Variants in DBX1 observed in about 807,000 individuals in gnomAD.
The protein encoded by DBX1 is developing brain homeobox 1, also known as homeobox protein DBX1.
Under a neutral mutation model 20.8 loss-of-function variants are expected in DBX1, and 10 were observed. The observed-to-expected ratio is 0.48, with a 90% CI of 0.30 to 0.82. The LOEUF (loss-of-function observed/expected upper bound fraction) is 0.82, where lower values mean the gene tolerates loss of function less well. Ranked by LOEUF, DBX1 falls within the 40% of genes least tolerant of loss-of-function variation. The pLI, the probability that DBX1 is intolerant of heterozygous loss-of-function variation, is 0.07. For missense variants in DBX1, 505 were observed against 468.8 expected (o/e 1.08, Z -0.71); for synonymous variants, 241 against 213.9 (o/e 1.13, Z -1.11).
chr11:20,156,706 G>A lies in DBX1; in HGVS notation c.673-133C>T, dbSNP rs1565142350. The A allele has an allele frequency of 7.4e-7, 1 of 1,351,046 alleles. No individual in the cohort carries two copies. The highest frequency in any genetic ancestry group is 1.7e-5 in the Admixed American group (1 of 59,606). 83.7% of individuals were successfully genotyped at this position (1,351,046 alleles called of 1,614,324 possible). A position where few individuals can be genotyped will look rare whatever the true frequency, so the allele number is the denominator to read the frequency against. On this transcript the variant is annotated intron_variant, in intron 3 of 3. Transcript: ENST00000524983. The surrounding 1 kb of genome is among the most constrained non-coding windows in gnomAD (Gnocchi z 4.8). Reference sequence around the variant, plus strand: ...GGGCTGTGTCCTCTCCCCACCCCCAGAAATGAGTTCCGGTGGATTCCCGCA... The same window carrying A: ...GGGCTGTGTCCTCTCCCCACCCCCAAAAATGAGTTCCGGTGGATTCCCGCA...
rs750873262 is a variant in DBX1, at chr11:20,157,233, G to A, written c.476C>T (p.Ser159Phe). ...GGTCCCGGGGATGGGCACCACGCTG[G>A]AGGAAGCTGCAGGGTGGGGGGAGGT... ...FIRSSYFPASSSVVPIPGTFS... is the reference protein window; with the variant it reads ...FIRSSYFPASFSVVPIPGTFS... The change falls in exon 3 of 4, where the codon TCC (serine) becomes TTC (phenylalanine). Residue 159 changes from serine to phenylalanine, a missense_variant. Physicochemically the swap from Ser to Phe is radical, Grantham distance 155 (BLOSUM62 -2). Transcript: ENST00000524983. 3 of 1,568,458 alleles carry A rather than the reference G, an allele frequency of 1.9e-6. No individual in the cohort carries two copies. Among genetic ancestry groups the A allele is most frequent in the African/African-American group, 2.7e-5 (2 of 74,080 alleles).
In DBX1 at chr11:20,160,008, G is replaced by C; in HGVS notation, c.317C>G (p.Thr106Arg). ...GGCGTTCACTCCAAACTTCAGAAAC[G>C]TCGTCTCGCTGGCAGGGGAGAAGGC... ...PTAFSPASET[T>R]FLKFGVNAIL... Residue 106 changes from threonine to arginine, a missense_variant, in exon 1 of 4, where the codon ACG becomes AGG. Thr to Arg is a moderately conservative substitution (Grantham distance 71). Coordinates refer to ENST00000524983, the MANE Select transcript of DBX1 (RefSeq NM_001029865.4). 3 of 1,613,022 alleles carry C rather than the reference G, an allele frequency of 1.9e-6. No individual in the cohort carries two copies. Among genetic ancestry groups the C allele is most frequent in the Non-Finnish European group, 2.5e-6 (3 of 1,179,634 alleles).
At chr11:20,158,354 T>A (rs557999765) in intron 2 of DBX1, among the ~76,000 whole-genome samples, 165 of 152,222 alleles carry the variant, frequency 1.1e-3, no homozygotes, top group African/African-American at 3.8e-3. Context: ...CCGCAGGCCA[T>A]ACCCAGTTTT....
chr11:20,160,400 C>T lies in DBX1; in HGVS notation c.-76G>A, dbSNP rs552953049. The T allele has an allele frequency of 7.0e-7, 1 of 1,436,492 alleles. No homozygotes were observed. Among genetic ancestry groups the T allele is most frequent in the Non-Finnish European group, 9.1e-7 (1 of 1,097,078 alleles). The allele number at this position is 1,436,492 out of a possible 1,614,324, so 89.0% of individuals were successfully genotyped here. ...ACGCCTCGCTTCCCGCCCCTCCCGC[C>T]CCCACAGTGTCCTCTCTCTTGGGCT... On this transcript the variant is annotated 5_prime_UTR_variant, in exon 1 of 4. Coordinates refer to ENST00000524983, the MANE Select transcript of DBX1 (RefSeq NM_001029865.4).
Position 20,157,181 on chromosome 11 carries a change from C to T in DBX1, c.528G>A (p.Gly176=). The change falls in exon 3 of 4, where the codon GGG becomes GGA. Residue 176 remains glycine, a synonymous_variant. Transcript: ENST00000524983. Reference sequence around the variant, plus strand: ...GACGCAGCATGCCCCGCCGAGGCTTCCCGCGCGCGGCCAGCGGCCAGGAGA... The same window carrying T: ...GACGCAGCATGCCCCGCCGAGGCTTTCCGCGCGCGGCCAGCGGCCAGGAGA... ...GTFSWPLAAR[G]KPRRGMLRRA... The T allele has an allele frequency of 1.9e-6, 3 of 1,605,876 alleles. No homozygotes were observed. The highest frequency in any genetic ancestry group is 2.5e-6 in the Non-Finnish European group (3 of 1,176,982).
chr11:20,156,335 C>A lies in DBX1; in HGVS notation c.911G>T (p.Arg304Leu). Residue 304 changes from arginine to leucine, a missense_variant, in exon 4 of 4, where the codon CGG (arginine) becomes CTG (leucine). Arg to Leu is a moderately radical substitution (Grantham distance 102, BLOSUM62 -2). Transcript: ENST00000524983. The surrounding 1 kb of genome is among the most constrained non-coding windows in gnomAD (Gnocchi z 4.8). ...CGAGGGGGGCAGCGGCCCTGGCAGCCGCGGGTCCCGCAGGTGCTGGGGGTC... is the reference window on the plus strand; with the variant it reads ...CGAGGGGGGCAGCGGCCCTGGCAGCAGCGGGTCCCGCAGGTGCTGGGGGTC... ...SSDPQHLRDP[R>L]LPGPLPPSPA... The A allele has an allele frequency of 1.3e-6, 2 of 1,585,138 alleles. No individual in the cohort carries two copies. Among genetic ancestry groups the A allele is most frequent in the South Asian group, 2.3e-5 (2 of 86,446 alleles).
chr11:20,156,992 T>TGAAGGGC lies in DBX1; in HGVS notation c.672+38_672+44dup, dbSNP rs779657952. 2 of 1,369,464 alleles carry TGAAGGGC rather than the reference T, an allele frequency of 1.5e-6. No individual in the cohort carries two copies. Among genetic ancestry groups the TGAAGGGC allele is most frequent in the South Asian group, 2.4e-5 (2 of 81,818 alleles). The allele number at this position is 1,369,464 out of a possible 1,614,324, so 84.8% of individuals were successfully genotyped here. ...AATTGACGGGTGCGCCGGGGAGGGG[T>TGAAGGGC]GAAGGGCGGGGGCGGGGGGGGTGCT... is the stretch of plus-strand genomic sequence containing the variant. On this transcript the variant is annotated intron_variant, in intron 3 of 3. Coordinates refer to ENST00000524983, the MANE Select transcript of DBX1 (RefSeq NM_001029865.4). This position sits in a 1 kb window ranked among gnomAD's most constrained non-coding sequence, Gnocchi z 4.8.
At position 20,156,401 on chromosome 11, in the gene DBX1, G is replaced by A. The variant is rs754466975; in HGVS notation, c.845C>T (p.Pro282Leu). Residue 282 changes from proline to leucine, a missense_variant, in exon 4 of 4, where the codon CCG (proline) becomes CTG (leucine). Coordinates refer to ENST00000524983, the MANE Select transcript of DBX1 (RefSeq NM_001029865.4). This position sits in a 1 kb window ranked among gnomAD's most constrained non-coding sequence, Gnocchi z 4.8. ...GGCCAGGCGGTGGCTGGGGCTGCCC[G>A]GGCCCTCCTCCTCCTCTTCGTTCCC... ...GPGNEEEEEG[P>L]GSPSHRLAYH... 6.2e-6 allele frequency: 10 copies of A among 1,602,846 alleles called. No individual in the cohort carries two copies. The highest frequency in any genetic ancestry group is 1.7e-4 in the Middle Eastern group (1 of 6,020).
rs913846529 is a variant in DBX1, at chr11:20,160,153, C to A, written c.172G>T (p.Val58Leu). The A allele has an allele frequency of 9.0e-6, 14 of 1,547,772 alleles. No homozygotes were observed. Among genetic ancestry groups the A allele is most frequent in the East Asian group, 2.5e-5 (1 of 40,808 alleles). Residue 58 changes from valine to leucine, a missense_variant, in exon 1 of 4, where the codon GTG (valine) becomes TTG (leucine). Val to Leu is a conservative substitution (Grantham distance 32). Transcript: ENST00000524983. Reference sequence around the variant, plus strand: ...GGCGGCGACATGCTGGCGGTGGGCACGCTGCGGGGCAGGTAGGCGGGGGGT... The same window carrying A: ...GGCGGCGACATGCTGGCGGTGGGCAAGCTGCGGGGCAGGTAGGCGGGGGGT... ...SRPPAYLPRS[V>L]PTASMSPPRQ...
In DBX1 at chr11:20,156,245, C is replaced by T; in HGVS notation, c.1001G>A (p.Gly334Asp). 1 of 1,520,354 alleles carries T rather than the reference C, an allele frequency of 6.6e-7. No homozygotes were observed. Among genetic ancestry groups the T allele is most frequent in the African/African-American group, 1.4e-5 (1 of 71,808 alleles). The allele number at this position is 1,520,354 out of a possible 1,614,324, so 94.2% of individuals were successfully genotyped here. The stretch of plus-strand genomic sequence containing the variant: ...CACGGTGATTTCCTCCTGTTCCTCG[C>T]CCTCCTCTTCCTCCTCGGAATCTGA... ...DFSDSEEEEEGEEQEEITVS is the reference protein window; with the variant it reads ...DFSDSEEEEEDEEQEEITVS The change falls in exon 4 of 4, where the codon GGC becomes GAC. Residue 334 changes from glycine (G) to aspartate (D), a missense_variant. By Grantham distance (94) the Gly-to-Asp change is moderately conservative. Transcript: ENST00000524983. This position sits in a 1 kb window ranked among gnomAD's most constrained non-coding sequence, Gnocchi z 4.8.
intron 2 of DBX1, 34 bp downstream of exon 2, chr11:20,159,157 C>G: frequency 6.6e-7 from 1 of 1,504,992 alleles, no homozygotes; most frequent in Non-Finnish European, 9.2e-7. Flanking sequence ...GGGGCGCCGC[C>G]CTGCCTCGCG....
At chr11:20,159,831 A>T (rs1592273780) in intron 1 of DBX1, 127 bp downstream of exon 1, 2 of 1,312,120 alleles carry the variant, frequency 1.5e-6, no homozygotes, top group East Asian at 4.8e-5. Context: ...AGGGTCTCAG[A>T]GTTCGTGCGT....
chr11:20,156,388 G>C lies in DBX1; in HGVS notation c.858C>G (p.Ser286Arg). 6.2e-7 allele frequency: 1 copy of C among 1,605,580 alleles called. No individual in the cohort carries two copies. ...EEEEEGPGSP[S>R]HRLAYHASSD... ...AGGACGCGTGGTAGGCCAGGCGGTG[G>C]CTGGGGCTGCCCGGGCCCTCCTCCT... The change falls in exon 4 of 4, where the codon AGC becomes AGG. Residue 286 changes from serine (S) to arginine (R), a missense_variant. Transcript: ENST00000524983. This position sits in a 1 kb window ranked among gnomAD's most constrained non-coding sequence, Gnocchi z 4.8.
chr11:20,158,939 A>C (rs1409937866), intron 2 of DBX1, among the ~76,000 whole-genome samples: 3 of 152,136 alleles, frequency 2.0e-5, no homozygotes, highest in Non-Finnish European at 4.4e-5. Flanking sequence ...GAACCGCCTC[A>C]AATTGGGACC....
chr11:20,160,092 C>G lies in DBX1; in HGVS notation c.233G>C (p.Gly78Ala). ...QGAPTALTDT[G>A]ASDLGSPGPG... The stretch of plus-strand genomic sequence containing the variant: ...ACCCGGGGAGCCCAGGTCCGAGGCC[C>G]CCGTGTCGGTGAGGGCCGTGGGGGC... The change falls in exon 1 of 4, where the codon GGG becomes GCG. Residue 78 changes from glycine to alanine, a missense_variant. Physicochemically the swap from Gly to Ala is moderately conservative, Grantham distance 60. Coordinates refer to ENST00000524983, the MANE Select transcript of DBX1 (RefSeq NM_001029865.4). 2 of 1,559,792 alleles carry G rather than the reference C, an allele frequency of 1.3e-6. No homozygotes were observed. Among genetic ancestry groups the G allele is most frequent in the Non-Finnish European group, 8.7e-7 (1 of 1,151,688 alleles).
In DBX1 at chr11:20,157,113, ATCT is replaced by A; in HGVS notation, c.593_595del (p.Lys198del). ...GCTGATGTACTTCTGCTTCTGGAACATCTTCTCCAGCGCCTTCCGCTGCACGTC... is the reference window on the plus strand; with the variant it reads ...GCTGATGTACTTCTGCTTCTGGAACATCTCCAGCGCCTTCCGCTGCACGTC... On this transcript the variant is annotated inframe_deletion, in exon 3 of 4. Transcript: ENST00000524983. 1 of 1,613,874 alleles carries A rather than the reference ATCT, an allele frequency of 6.2e-7. No individual in the cohort carries two copies. Among genetic ancestry groups the A allele is most frequent in the East Asian group, 2.2e-5 (1 of 44,864 alleles).
chr11:20,158,928 G>C (rs1454995175), intron 2 of DBX1, among the ~76,000 whole-genome samples: 1 of 152,126 alleles, frequency 6.6e-6, no homozygotes, highest in Non-Finnish European at 1.5e-5. Context: ...CGCCGGGAAG[G>C]GAACCGCCTC....
chr11:20,159,259 G>A lies in DBX1; in HGVS notation c.401C>T (p.Pro134Leu), dbSNP rs145387898. The stretch of plus-strand genomic sequence containing the variant: ...GAAGTAGGGAAAGGCGAAGGTCTTG[G>A]GAGGGACGCTCTGGAGCAAGGCTGG... ...TSPALLQSVPPKTFAFPYFEG... is the reference protein window; with the variant it reads ...TSPALLQSVPLKTFAFPYFEG... The change falls in exon 2 of 4, where the codon CCC (proline) becomes CTC (leucine). Residue 134 changes from proline (P) to leucine (L), a missense_variant. Pro to Leu is a moderately conservative substitution (Grantham distance 98). Coordinates refer to ENST00000524983, the MANE Select transcript of DBX1 (RefSeq NM_001029865.4). 1.1e-5 allele frequency: 17 copies of A among 1,613,696 alleles called. No homozygotes were observed. Among genetic ancestry groups the A allele is most frequent in the African/African-American group, 4.0e-5 (3 of 74,858 alleles).
Position 20,160,069 on chromosome 11 carries a change from C to G in DBX1, c.256G>C (p.Gly86Arg), listed in dbSNP as rs758549809. ...DTGASDLGSP[G>R]PGSRRGGSPP... ...GAGCCGCCCCGTCGGCTGCCGGGAC[C>G]CGGGGAGCCCAGGTCCGAGGCCCCC... Residue 86 changes from glycine to arginine, a missense_variant, in exon 1 of 4, where the codon GGT becomes CGT. Coordinates refer to ENST00000524983, the MANE Select transcript of DBX1 (RefSeq NM_001029865.4). 2 of 1,573,926 alleles carry G rather than the reference C, an allele frequency of 1.3e-6. No individual in the cohort carries two copies. Among genetic ancestry groups the G allele is most frequent in the Non-Finnish European group, 1.7e-6 (2 of 1,159,660 alleles).
Sources: gnomAD v4.1 joint callset for allele counts (sites outside exome capture counted in the v4.1 genomes callset) on GRCh38, gnomAD v4.1.1 for gene constraint, Gnocchi (gnomAD v3.1) non-coding constraint, MANE v1.5 for transcripts, NCBI Gene and HGNC (gene_info 2026-07-23, HGNC 2026-07-21) for gene names.